KLF12: variants seen among roughly 807,000 people sequenced by gnomAD.
KLF12 encodes Krueppel-like factor 12.
Under a neutral mutation model 37.8 loss-of-function variants are expected in KLF12, and 9 were observed. That is an observed-to-expected ratio of 0.24 (90% CI 0.14 to 0.42). The LOEUF is 0.42. Ranked by LOEUF, KLF12 falls within the 10% of genes least tolerant of loss-of-function variation. KLF12 has a pLI of 1.00. For synonymous variants in KLF12, 208 were observed against 202.1 expected (o/e 1.03, Z -0.25); for missense variants, 411 against 516.0 (o/e 0.80, Z 1.97).
chr13:73,762,933 G>C (rs1879663472), intron 6 of KLF12, among the ~76,000 whole-genome samples: 1 of 152,130 alleles, frequency 6.6e-6, no homozygotes, highest in Admixed American at 6.5e-5. Flanking sequence ...AGAAATCTTA[G>C]CTAGCTTATG....
chr13:74,202,112 A>T, the KLF12 span, among the ~76,000 whole-genome samples: 1 of 152,194 alleles, frequency 6.6e-6, no homozygotes, highest in Non-Finnish European at 1.5e-5. Context: ...AAAAGAAAAT[A>T]CAAATAATTT....
intron 1 of KLF12, among the ~76,000 whole-genome samples, chr13:74,017,149 G>C (rs1255657387): frequency 6.7e-6 from 1 of 149,406 alleles, no homozygotes; most frequent in East Asian, 2.0e-4. Context: ...TCTTCATTTT[G>C]TGGGAACTCA....
intron 7 of KLF12, among the ~76,000 whole-genome samples, chr13:73,712,827 A>G (rs562316191): frequency 1.3e-5 from 2 of 152,374 alleles, no homozygotes; most frequent in African/African-American, 4.8e-5. Context: ...AGTACTTGTG[A>G]GCAATGAAGT....
intron 1 of KLF12, among the ~76,000 whole-genome samples, chr13:74,104,770 G>A (rs1055852348): frequency 3.3e-5 from 5 of 152,032 alleles, no homozygotes; most frequent in African/African-American, 1.2e-4. Flanking sequence ...GAACAGCAGG[G>A]GAAAAGAGAA....
At chr13:74,257,485 A>C in the KLF12 span, 2 of 152,216 alleles carry the variant, frequency 1.3e-5, no homozygotes, top group Admixed American at 1.3e-4. Flanking sequence ...CTTGATGGTC[A>C]GTGTGAGCCA....
intron 1 of KLF12, among the ~76,000 whole-genome samples, chr13:74,053,349 C>G (rs1566520264): frequency 1.3e-5 from 2 of 151,954 alleles, no homozygotes; most frequent in African/African-American, 4.8e-5. Context: ...ATCATGCTAA[C>G]AAGAAATACC....
chr13:73,729,077 T>C (rs1876870535), intron 6 of KLF12, among the ~76,000 whole-genome samples: 1 of 152,252 alleles, frequency 6.6e-6, no homozygotes, highest in African/African-American at 2.4e-5. Flanking sequence ...CTCTTTATTA[T>C]ATTTTTATGC....
Position 74,123,806 on chromosome 13 carries a change from G to A in KLF12, c.-32+9933C>T, listed in dbSNP as rs376891498. Among the ~76,000 whole-genome samples, 216 of 152,352 alleles carry A rather than the reference G, an allele frequency of 1.4e-3. 1 individual carries two copies. Among genetic ancestry groups the A allele is most frequent in the African/African-American group, 4.4e-3 (181 of 41,588 alleles). Reference sequence around the variant, plus strand: ...AGACTAAATGAAAGTCAGAAAGACAGTAGTAATTATGCAATGGGAAAAAAC... The same window carrying A: ...AGACTAAATGAAAGTCAGAAAGACAATAGTAATTATGCAATGGGAAAAAAC... On this transcript the variant is annotated intron_variant, in intron 1 of 7. Transcript: ENST00000377669.
At chr13:73,837,779 A>T (rs1884517268) in intron 4 of KLF12, among the ~76,000 whole-genome samples, 2 of 152,222 alleles carry the variant, frequency 1.3e-5, no homozygotes, top group Admixed American at 6.5e-5. Flanking sequence ...CAAATTCTAA[A>T]TTGAAGAATT....
chr13:73,798,261 A>G (rs1189053454), intron 5 of KLF12, among the ~76,000 whole-genome samples: 3 of 152,182 alleles, frequency 2.0e-5, no homozygotes. Context: ...CCATATACAA[A>G]AATTAACTGA....
At chr13:74,137,753 T>TTTTATTTA (rs1217911193), upstream of KLF12, among the ~76,000 whole-genome samples, 5 of 151,946 alleles carry the variant, frequency 3.3e-5, no homozygotes, top group African/African-American at 1.2e-4. Flanking sequence ...TTATTTTTTA[T>TTTTATTTA]TTTATTTATT....
chr13:74,073,680 A>G (rs1297559726), intron 1 of KLF12, among the ~76,000 whole-genome samples: 1 of 152,180 alleles, frequency 6.6e-6, no homozygotes, highest in Non-Finnish European at 1.5e-5. Context: ...TATTTGCAAA[A>G]TGGAATAAGG....
the KLF12 span, among the ~76,000 whole-genome samples, chr13:74,168,964 T>C: frequency 6.6e-6 from 1 of 152,330 alleles, no homozygotes; most frequent in Admixed American, 6.5e-5. Flanking sequence ...GTTTCCTGGC[T>C]GTGCAGAGAG....
At chr13:73,973,018 A>G (rs1891391754) in intron 2 of KLF12, among the ~76,000 whole-genome samples, 1 of 152,142 alleles carries the variant, frequency 6.6e-6, no homozygotes, top group Non-Finnish European at 1.5e-5. Context: ...AATGATAAGC[A>G]ATTTGTAGTA....
intron 6 of KLF12, among the ~76,000 whole-genome samples, chr13:73,739,210 G>C (rs1333715805): frequency 1.3e-5 from 2 of 149,970 alleles, no homozygotes; most frequent in Non-Finnish European, 3.0e-5. Context: ...CTCCAGACTG[G>C]GTGACAGAGT....
chr13:73,872,692 A>C (rs1039329843), intron 3 of KLF12, among the ~76,000 whole-genome samples: 1 of 152,230 alleles, frequency 6.6e-6, no homozygotes, highest in African/African-American at 2.4e-5. Flanking sequence ...GCCAGAATCT[A>C]TTCTAACTGA....
intron 1 of KLF12, among the ~76,000 whole-genome samples, chr13:74,069,468 C>T (rs538523476): frequency 9.5e-4 from 145 of 152,212 alleles, no homozygotes; most frequent in African/African-American, 2.7e-3. Context: ...ACAGATCATA[C>T]GTGCAAAAGC....
chr13:74,036,824 C>T (rs1236799231), intron 1 of KLF12, among the ~76,000 whole-genome samples: 1 of 152,188 alleles, frequency 6.6e-6, no homozygotes, highest in Non-Finnish European at 1.5e-5. Flanking sequence ...TTTATGCCAA[C>T]AAGACAGCTC....
At chr13:73,985,452 C>T (rs546127818) in intron 2 of KLF12, among the ~76,000 whole-genome samples, 18 of 152,170 alleles carry the variant, frequency 1.2e-4, no homozygotes, top group Non-Finnish European at 2.5e-4. Context: ...GGATTACTCA[C>T]GGCAGAAGGG....
Sources: allele counts gnomAD v4.1 joint callset (sites outside exome capture counted in the v4.1 genomes callset), GRCh38; gene constraint gnomAD v4.1.1; transcripts MANE v1.5; gene names NCBI Gene and HGNC (gene_info 2026-07-23, HGNC 2026-07-21).